Variants in ZBTB20 observed in about 807,000 individuals in gnomAD.
ZBTB20 encodes the protein zinc finger and BTB domain-containing protein 20.
ZBTB20 carries 9 observed loss-of-function variants against 56.9 expected under a neutral mutation model. The ratio of observed to expected loss-of-function variants is 0.16; its 90% confidence interval spans 0.10 to 0.28. The LOEUF is 0.28. Among genes scored for constraint, ZBTB20 ranks in the 10% least tolerant of loss-of-function variants. The probability of loss-of-function intolerance (pLI) is 1.00; values close to 1 mark genes in which losing one functional copy is unlikely to be tolerated. For missense variants in ZBTB20, 655 were observed against 1,003.0 expected (o/e 0.65, Z 4.69); for synonymous variants, 417 against 420.7 (o/e 0.99, Z 0.11).
At chr3:115,117,268 T>C (rs186053398) in intron 1 of ZBTB20, among the ~76,000 whole-genome samples, 1 of 152,304 alleles carries the variant, frequency 6.6e-6, no homozygotes, top group African/African-American at 2.4e-5. Context: ...AGAATGAATG[T>C]ACTTTGAACA....
intron 7 of ZBTB20, among the ~76,000 whole-genome samples, chr3:114,456,409 T>C (rs1403468917): frequency 6.6e-6 from 1 of 152,180 alleles, no homozygotes; most frequent in Non-Finnish European, 1.5e-5. Flanking sequence ...TACAATTCGC[T>C]CTATGAACAT....
At chr3:114,747,494 A>T (rs989715531) in intron 5 of ZBTB20, among the ~76,000 whole-genome samples, 6 of 151,988 alleles carry the variant, frequency 3.9e-5, no homozygotes, top group African/African-American at 1.5e-4. Context: ...AACCCAGGAG[A>T]TGGAGGTTGC....
At chr3:114,529,546 G>C (rs1252459471) in intron 6 of ZBTB20, 1 of 152,170 alleles carries the variant, frequency 6.6e-6, no homozygotes, top group Non-Finnish European at 1.5e-5. Context: ...CTTGAGGATA[G>C]TACATTTGTT....
rs559338625 is a variant in ZBTB20 at position 114,912,426 on chromosome 3, CCTT to C, written c.-455-12087_-455-12085del. 2.0e-3 allele frequency among the ~76,000 whole-genome samples: 310 copies of C among 151,484 alleles called. 2 individuals carry two copies. Among genetic ancestry groups the C allele is most frequent in the African/African-American group, 6.9e-3 (287 of 41,340 alleles). On this transcript the variant is annotated intron_variant, in intron 3 of 11. Transcript: ENST00000675478. Reference sequence around the variant, plus strand: ...CACTTTTTAATAGGGTTATTTGTCTCCTTATTATTTGTTATTAGGTATACTTTT... The same window carrying C: ...CACTTTTTAATAGGGTTATTTGTCTCATTATTTGTTATTAGGTATACTTTT...
chr3:115,146,235 C>T (rs149093954), intron 1 of ZBTB20, among the ~76,000 whole-genome samples: 7 of 152,246 alleles, frequency 4.6e-5, no homozygotes, highest in Non-Finnish European at 7.4e-5. Flanking sequence ...CGTAGCTGTA[C>T]GCCATATTGT....
chr3:114,539,795 C>T (rs536406968), intron 6 of ZBTB20, among the ~76,000 whole-genome samples: 1 of 152,146 alleles, frequency 6.6e-6, no homozygotes, highest in Admixed American at 6.6e-5. Context: ...AATGATTCAT[C>T]CATCTTTGTA....
chr3:114,806,812 A>G, intron 4 of ZBTB20, among the ~76,000 whole-genome samples: 1 of 152,128 alleles, frequency 6.6e-6, no homozygotes, highest in East Asian at 1.9e-4. Context: ...AGGTTCGTGA[A>G]TATTCATTTA....
At chr3:114,776,893 T>C (rs961444033) in intron 5 of ZBTB20, among the ~76,000 whole-genome samples, 1 of 152,186 alleles carries the variant, frequency 6.6e-6, no homozygotes, top group African/African-American at 2.4e-5. Flanking sequence ...AGATTATGAA[T>C]GTAAATGTTC....
intron 2 of ZBTB20, among the ~76,000 whole-genome samples, chr3:115,065,875 T>G (rs1265223176): frequency 6.6e-6 from 1 of 152,120 alleles, no homozygotes; most frequent in African/African-American, 2.4e-5. Context: ...AAGTAGTGAC[T>G]CAGAAGACTC....
intron 4 of ZBTB20, among the ~76,000 whole-genome samples, chr3:114,833,630 A>G (rs2073968807): frequency 6.6e-6 from 1 of 151,776 alleles, no homozygotes; most frequent in Non-Finnish European, 1.5e-5. Context: ...CCTGGACTCA[A>G]GTAATCCTCC....
chr3:114,558,366 C>T (rs1204540307), intron 6 of ZBTB20, among the ~76,000 whole-genome samples: 2 of 152,014 alleles, frequency 1.3e-5, no homozygotes, highest in African/African-American at 4.8e-5. Context: ...CCGCTAATAA[C>T]AGTACCTCAT....
intron 4 of ZBTB20, among the ~76,000 whole-genome samples, chr3:114,808,202 C>T (rs531716101): frequency 6.6e-6 from 1 of 151,958 alleles, no homozygotes; most frequent in Non-Finnish European, 1.5e-5. Flanking sequence ...TTGCGCATTT[C>T]TAAGATAGTC....
chr3:114,686,515 T>C (rs2062351960), intron 6 of ZBTB20, among the ~76,000 whole-genome samples: 1 of 152,220 alleles, frequency 6.6e-6, no homozygotes, highest in Non-Finnish European at 1.5e-5. Flanking sequence ...GACTCTTCTC[T>C]AATTTTATTT....
At chr3:114,368,965 T>C (rs1668012320) in intron 10 of ZBTB20, among the ~76,000 whole-genome samples, 2 of 152,238 alleles carry the variant, frequency 1.3e-5, no homozygotes, top group African/African-American at 2.4e-5. Flanking sequence ...GAAAATGACA[T>C]GTATCCTTTA....
At chr3:115,002,574 A>C (rs1307571112) in intron 2 of ZBTB20, among the ~76,000 whole-genome samples, 1 of 151,658 alleles carries the variant, frequency 6.6e-6, no homozygotes, top group East Asian at 1.9e-4. Flanking sequence ...GCAGATGAAA[A>C]ACCTGCATAG....
chr3:114,835,963 C>A (rs1407605107), intron 4 of ZBTB20, among the ~76,000 whole-genome samples: 7 of 152,168 alleles, frequency 4.6e-5, no homozygotes, highest in Non-Finnish European at 1.0e-4. Context: ...ACTACTTATT[C>A]TCACTGCAGA....
At chr3:115,100,689 TCA>T (rs1340979130) in intron 1 of ZBTB20, 1 of 152,242 alleles carries the variant, frequency 6.6e-6, no homozygotes. Context: ...ATGTATTGTT[TCA>T]GTTCTGGCAG....
intron 6 of ZBTB20, among the ~76,000 whole-genome samples, chr3:114,672,273 G>A (rs925902624): frequency 6.6e-6 from 1 of 151,878 alleles, no homozygotes; most frequent in Non-Finnish European, 1.5e-5. Flanking sequence ...ATCCCATAAA[G>A]GGCCCACTCA....
chr3:115,060,044 G>A (rs968581430), intron 2 of ZBTB20, among the ~76,000 whole-genome samples: 2 of 151,980 alleles, frequency 1.3e-5, no homozygotes, highest in African/African-American at 2.4e-5. Context: ...TATTTAAGAC[G>A]ACAAGATCAA....
Sources: gnomAD v4.1 joint callset for allele counts (sites outside exome capture counted in the v4.1 genomes callset) on GRCh38, gnomAD v4.1.1 for gene constraint, MANE v1.5 for transcripts, NCBI Gene and HGNC (gene_info 2026-07-23, HGNC 2026-07-21) for gene names.